The following GRID2 variants were observed in gnomAD, a reference collection of about 807,000 sequenced individuals.
GRID2 encodes the protein glutamate ionotropic receptor delta type subunit 2.
A neutral mutation model predicts 114.8 loss-of-function variants in GRID2; 33 were observed. That is an observed-to-expected ratio of 0.29 (90% CI 0.22 to 0.38). The LOEUF (loss-of-function observed/expected upper bound fraction) is 0.38, where lower values mean the gene tolerates loss of function less well. Among genes scored for constraint, GRID2 ranks in the 10% least tolerant of loss-of-function variants. The probability of loss-of-function intolerance (pLI) is 1.00; values close to 1 mark genes in which losing one functional copy is unlikely to be tolerated. For synonymous variants in GRID2, 505 were observed against 449.9 expected, an observed-to-expected ratio of 1.12 and a Z score of -1.55; for missense variants, 1,184 against 1,257.7, an observed-to-expected ratio of 0.94 and a Z score of 0.89.
intron 1 of GRID2, 48 bp from the exon 2 acceptor site, chr4:92,590,083 A>G: frequency 7.8e-7 from 1 of 1,280,686 alleles, no homozygotes; most frequent in Non-Finnish European, 1.1e-6. Flanking sequence ...AGAGGGGATG[A>G]CAGAATATTT....
chr4:92,546,130 T>TA (rs1262952934), intron 1 of GRID2, among the ~76,000 whole-genome samples: 1 of 152,274 alleles, frequency 6.6e-6, no homozygotes, highest in African/African-American at 2.4e-5. Context: ...ACAGTTAATT[T>TA]AAAAAAAGCT....
chr4:92,734,784 T>A (rs1215857695), intron 2 of GRID2, among the ~76,000 whole-genome samples: 1 of 149,932 alleles, frequency 6.7e-6, no homozygotes, highest in East Asian at 1.9e-4. Flanking sequence ...TTTTTTTTCT[T>A]TTTTTTTTTT....
At chr4:92,668,636 C>A (rs1349161552) in intron 2 of GRID2, among the ~76,000 whole-genome samples, 1 of 151,750 alleles carries the variant, frequency 6.6e-6, no homozygotes, top group Non-Finnish European at 1.5e-5. Flanking sequence ...TACAAGTCAG[C>A]AGAATTGGCA....
chr4:93,802,943 G>A (rs10022405), intron 1 of GRID2, among the ~76,000 whole-genome samples: 71,026 of 152,048 alleles, frequency 0.47, 17,459 homozygotes, highest in Non-Finnish European at 0.55. Context: ...GCAAAAGATC[G>A]TAAGCGCATT....
intron 2 of GRID2, among the ~76,000 whole-genome samples, chr4:92,625,542 G>A (rs1730478162): frequency 6.6e-6 from 1 of 151,588 alleles, no homozygotes; most frequent in African/African-American, 2.4e-5. Context: ...CAGTGGTTAG[G>A]GCACAGGCTT....
intron 2 of GRID2, among the ~76,000 whole-genome samples, chr4:92,901,909 T>C (rs116337253): frequency 3.4e-4 from 51 of 152,148 alleles, no homozygotes; most frequent in African/African-American, 1.2e-3. Flanking sequence ...GATTCTTTAC[T>C]GCTCAATTTT....
At chr4:92,444,457 G>A (rs1019955892) in intron 1 of GRID2, among the ~76,000 whole-genome samples, 1 of 152,152 alleles carries the variant, frequency 6.6e-6, no homozygotes, top group Non-Finnish European at 1.5e-5. Flanking sequence ...GCCAGGAAAA[G>A]GACTTTCACA....
intron 14 of GRID2, among the ~76,000 whole-genome samples, chr4:93,683,167 G>C (rs1725751134): frequency 6.6e-6 from 1 of 151,634 alleles, no homozygotes; most frequent in Non-Finnish European, 1.5e-5. Flanking sequence ...TCTCTCCCTG[G>C]GCTTCTCCTT....
chr4:92,549,122 C>CAAAAA (rs35094573), intron 1 of GRID2, among the ~76,000 whole-genome samples: 2 of 112,018 alleles, frequency 1.8e-5, no homozygotes, highest in Admixed American at 9.1e-5. Flanking sequence ...AGGTCTTCCG[C>CAAAAA]AAAAAAAAAA....
intron 13 of GRID2, among the ~76,000 whole-genome samples, chr4:93,603,525 G>A (rs1044263464): frequency 2.0e-5 from 3 of 152,228 alleles, no homozygotes; most frequent in African/African-American, 7.2e-5. Flanking sequence ...AGGTGATCCA[G>A]AAGATCTAGT....
At chr4:93,544,461 A>G (rs1373535168) in intron 13 of GRID2, among the ~76,000 whole-genome samples, 1 of 152,162 alleles carries the variant, frequency 6.6e-6, no homozygotes, top group Non-Finnish European at 1.5e-5. Context: ...AAATTTAGCC[A>G]TAAATACTAC....
intron 13 of GRID2, among the ~76,000 whole-genome samples, chr4:93,548,632 G>A (rs1733463214): frequency 6.6e-6 from 1 of 152,098 alleles, no homozygotes. Flanking sequence ...AATCAGAAGA[G>A]TCTGTACACT....
chr4:93,077,853 C>G (rs566824395), intron 2 of GRID2, among the ~76,000 whole-genome samples: 7 of 152,238 alleles, frequency 4.6e-5, no homozygotes, highest in Non-Finnish European at 1.0e-4. Flanking sequence ...TTAAGCAAAA[C>G]AGTCTTAAAA....
intron 1 of GRID2, among the ~76,000 whole-genome samples, chr4:92,449,676 G>GAGATATATAT (rs1491302049): frequency 1.0e-5 from 1 of 96,764 alleles, no homozygotes; most frequent in Non-Finnish European, 2.0e-5. Flanking sequence ...TTTTCTTACT[G>GAGATATATAT]ATATATATAT....
At chr4:92,691,521 AAGTGGTTTTGCTC>A (rs1323863678) in intron 2 of GRID2, among the ~76,000 whole-genome samples, 1 of 152,186 alleles carries the variant, frequency 6.6e-6, no homozygotes, top group Non-Finnish European at 1.5e-5. Flanking sequence ...AAGCAGAGCT[AAGTGGTTTTGCTC>A]ATTGTGCGGT....
intron 2 of GRID2, among the ~76,000 whole-genome samples, chr4:93,074,162 T>G (rs1358874424): frequency 1.3e-5 from 2 of 152,164 alleles, no homozygotes; most frequent in African/African-American, 4.8e-5. Flanking sequence ...GCACTGGACA[T>G]AGTGAGGGCA....
At chr4:92,884,027 G>A (rs768715033) in intron 2 of GRID2, among the ~76,000 whole-genome samples, 27 of 152,082 alleles carry the variant, frequency 1.8e-4, no homozygotes, top group Non-Finnish European at 2.9e-4. Context: ...CCTAGATGGC[G>A]TGCTTGTCCA....
chr4:93,667,016 A>G (rs974704930), intron 14 of GRID2, among the ~76,000 whole-genome samples: 10 of 152,098 alleles, frequency 6.6e-5, no homozygotes, highest in African/African-American at 1.2e-4. Context: ...GTAATTATTA[A>G]TTGTACAAAC....
chr4:93,233,642 C>T (rs529775737), intron 7 of GRID2, among the ~76,000 whole-genome samples: 13 of 152,120 alleles, frequency 8.5e-5, no homozygotes, highest in Non-Finnish European at 1.5e-4. Context: ...CACACCCAGC[C>T]GACACTGAGG....
Sources: allele counts gnomAD v4.1 joint callset (sites outside exome capture counted in the v4.1 genomes callset), GRCh38; gene constraint gnomAD v4.1.1; transcripts MANE v1.5; gene names NCBI Gene and HGNC (gene_info 2026-07-23, HGNC 2026-07-21).